Variants in PRKG1 observed in about 807,000 individuals in gnomAD.
PRKG1 encodes the protein cGMP-dependent protein kinase 1.
A neutral mutation model predicts 88.1 loss-of-function variants in PRKG1; 35 were observed. The observed-to-expected ratio is 0.40, with a 90% confidence interval of 0.30 to 0.53. The LOEUF is 0.53. Among genes scored for constraint, PRKG1 ranks in the 20% least tolerant of loss-of-function variants. The probability of loss-of-function intolerance (pLI) is 0.59; values close to 1 mark genes in which losing one functional copy is unlikely to be tolerated. For synonymous variants in PRKG1, 303 were observed against 292.5 expected (o/e 1.04, Z -0.37); for missense variants, 540 against 839.8 (o/e 0.64, Z 4.41).
In PRKG1 at chr10:52,255,173, T is replaced by C. The variant is rs117751979; in HGVS notation, c.1173+3507T>C. Among the ~76,000 whole-genome samples the C allele has an allele frequency of 2.2e-4, 33 of 152,232 alleles. No individual in the cohort carries two copies. In the East Asian group the frequency reaches 6.0e-3, roughly 28 times the overall value. On this transcript the variant is annotated intron_variant, in intron 10 of 17. Coordinates refer to ENST00000373980, the MANE Select transcript of PRKG1 (RefSeq NM_006258.4). Reference sequence around the variant, plus strand: ...ACTCAGCTCTCTTTTTATATATGACTTATTAATTAAAGCTCTAAGCACTGC... The same window carrying C: ...ACTCAGCTCTCTTTTTATATATGACCTATTAATTAAAGCTCTAAGCACTGC...
At chr10:51,737,591 T>C (rs1837311809) in intron 3 of PRKG1, among the ~76,000 whole-genome samples, 2 of 152,228 alleles carry the variant, frequency 1.3e-5, no homozygotes, top group South Asian at 2.1e-4. Context: ...CATTGACTGT[T>C]GCTTGCCTGG....
At chr10:52,242,496 G>A (rs1409869839) in intron 9 of PRKG1, among the ~76,000 whole-genome samples, 1 of 152,166 alleles carries the variant, frequency 6.6e-6, no homozygotes, top group African/African-American at 2.4e-5. Context: ...CTTAATAAAT[G>A]AACTTTTCAT....
chr10:51,923,167 CTT>C (rs1842498145), intron 5 of PRKG1, among the ~76,000 whole-genome samples: 1 of 151,934 alleles, frequency 6.6e-6, no homozygotes, highest in Non-Finnish European at 1.5e-5. Context: ...GTCCTGATAA[CTT>C]TTCTTGCTGT....
intron 9 of PRKG1, among the ~76,000 whole-genome samples, chr10:52,225,849 C>G (rs1840374847): frequency 6.6e-6 from 1 of 151,974 alleles, no homozygotes; most frequent in Admixed American, 6.6e-5. Flanking sequence ...GGTCTATGTG[C>G]CTTTTTTTGT....
chr10:52,244,891 T>C (rs1840981652), intron 9 of PRKG1, among the ~76,000 whole-genome samples: 1 of 88,666 alleles, frequency 1.1e-5, no homozygotes, highest in Admixed American at 1.6e-4. Flanking sequence ...TAAATAATAC[T>C]TTTTTAATAA....
At chr10:52,120,822 G>C (rs1029038478) in intron 7 of PRKG1, among the ~76,000 whole-genome samples, 1 of 151,954 alleles carries the variant, frequency 6.6e-6, no homozygotes, top group Non-Finnish European at 1.5e-5. Flanking sequence ...CGGTTATGGC[G>C]TCACAGATGC....
chr10:52,201,973 A>C (rs1045949322), intron 9 of PRKG1, among the ~76,000 whole-genome samples: 1 of 152,048 alleles, frequency 6.6e-6, no homozygotes, highest in Non-Finnish European at 1.5e-5. Context: ...ATGAAGTTTT[A>C]TAGACGTAAA....
intron 10 of PRKG1, among the ~76,000 whole-genome samples, chr10:52,266,586 G>A (rs1481312999): frequency 6.6e-6 from 1 of 151,978 alleles, no homozygotes; most frequent in Non-Finnish European, 1.5e-5. Context: ...TATTATAGAA[G>A]TAGCTTCTCA....
At chr10:51,545,150 G>A (rs554889853) in intron 3 of PRKG1, among the ~76,000 whole-genome samples, 11 of 151,898 alleles carry the variant, frequency 7.2e-5, no homozygotes, top group Non-Finnish European at 1.3e-4. Flanking sequence ...CTTAATATGT[G>A]CATCATTCAA....
At chr10:51,921,753 G>A (rs912002670) in intron 5 of PRKG1, among the ~76,000 whole-genome samples, 15 of 152,078 alleles carry the variant, frequency 9.9e-5, no homozygotes, top group African/African-American at 3.6e-4. Context: ...TGCACACTTG[G>A]AATAAATACT....
At chr10:51,251,767 T>C (rs1839433756) in intron 2 of PRKG1, among the ~76,000 whole-genome samples, 1 of 151,752 alleles carries the variant, frequency 6.6e-6, no homozygotes, top group Non-Finnish European at 1.5e-5. Context: ...ATACTTGGAA[T>C]AAAAGACATA....
intron 2 of PRKG1, among the ~76,000 whole-genome samples, chr10:51,237,365 C>T (rs1024838734): frequency 1.9e-4 from 29 of 152,270 alleles, no homozygotes; most frequent in Admixed American, 9.2e-4. Flanking sequence ...ACACATGCTC[C>T]GGGAACACAC....
intron 3 of PRKG1, among the ~76,000 whole-genome samples, chr10:51,792,136 G>A (rs1405894946): frequency 2.0e-5 from 3 of 151,930 alleles, no homozygotes; most frequent in African/African-American, 7.3e-5. Context: ...TCTTAATTGT[G>A]TTTCTTTGTA....
rs140817678 is a variant in PRKG1, at chr10:52,050,612, C to T, written c.763-3872C>T. Among the ~76,000 whole-genome samples the T allele has an allele frequency of 8.2e-3, 1,252 of 152,192 alleles. 17 individuals are homozygous for T. The highest frequency in any genetic ancestry group is 0.029 in the African/African-American group (1,184 of 41,512). On this transcript the variant is annotated intron_variant, in intron 5 of 17. Transcript: ENST00000373980. ...CACCATAAATATTATCTTTCCCAAA[C>T]CTAGAATGCCTTTGGCCACTGTTCC...
chr10:51,690,233 A>C (rs1841102717), intron 3 of PRKG1, among the ~76,000 whole-genome samples: 1 of 152,142 alleles, frequency 6.6e-6, no homozygotes, highest in Non-Finnish European at 1.5e-5. Flanking sequence ...TAAACTATTC[A>C]TGAGAAATCC....
intron 4 of PRKG1, among the ~76,000 whole-genome samples, chr10:51,808,448 A>T (rs974040594): frequency 1.3e-5 from 2 of 152,052 alleles, no homozygotes; most frequent in African/African-American, 4.8e-5. Context: ...ATAGAAAAAT[A>T]GAAAAATTAC....
chr10:52,106,493 C>T (rs1432455473), intron 7 of PRKG1, among the ~76,000 whole-genome samples: 1 of 152,026 alleles, frequency 6.6e-6, no homozygotes, highest in East Asian at 1.9e-4. Context: ...GGAACAGCAT[C>T]GCACAGCATG....
intron 2 of PRKG1, among the ~76,000 whole-genome samples, chr10:51,263,737 A>C (rs1368855272): frequency 1.3e-5 from 2 of 152,182 alleles, no homozygotes; most frequent in Non-Finnish European, 2.9e-5. Context: ...ATATTTTTTA[A>C]ATTTCCTGCT....
chr10:51,703,260 G>GA (rs1841518974), intron 3 of PRKG1, among the ~76,000 whole-genome samples: 1 of 151,888 alleles, frequency 6.6e-6, no homozygotes, highest in Admixed American at 6.6e-5. Flanking sequence ...AGAGTGTAAG[G>GA]AAAAAAGAAA....
Sources: gnomAD v4.1 joint callset for allele counts (sites outside exome capture counted in the v4.1 genomes callset) on GRCh38, gnomAD v4.1.1 for gene constraint, MANE v1.5 for transcripts, NCBI Gene and HGNC (gene_info 2026-07-23, HGNC 2026-07-21) for gene names.